The following CNTN5 variants were observed in gnomAD, a reference collection of about 807,000 sequenced individuals.
CNTN5 encodes contactin-5.
Under a neutral mutation model 129.1 loss-of-function variants are expected in CNTN5, and 77 were observed. The ratio of observed to expected loss-of-function variants is 0.60; its 90% CI spans 0.50 to 0.72. CNTN5 has a LOEUF of 0.72. Ranked by LOEUF, CNTN5 falls within the 30% of genes least tolerant of loss-of-function variation. The probability of loss-of-function intolerance (pLI) is 0.00; values close to 1 mark genes in which losing one functional copy is unlikely to be tolerated. For synonymous variants in CNTN5, 509 were observed against 465.6 expected (o/e 1.09, Z -1.20); for missense variants, 1,478 against 1,328.8 (o/e 1.11, Z -1.75).
At chr11:100,285,778 C>G (rs1018798891) in intron 18 of CNTN5, among the ~76,000 whole-genome samples, 14 of 152,318 alleles carry the variant, frequency 9.2e-5, no homozygotes, top group East Asian at 1.9e-4. Flanking sequence ...AGGAACAGCT[C>G]CGGTCTACAG....
At chr11:99,635,434 A>C (rs913251375) in intron 3 of CNTN5, among the ~76,000 whole-genome samples, 3 of 152,154 alleles carry the variant, frequency 2.0e-5, no homozygotes, top group Non-Finnish European at 4.4e-5. Context: ...TGGACAGCGT[A>C]GAGCAGGAGC....
chr11:100,235,727 C>G, intron 16 of CNTN5, among the ~76,000 whole-genome samples: 1 of 152,118 alleles, frequency 6.6e-6, no homozygotes, highest in East Asian at 1.9e-4. Flanking sequence ...CTTCAGAGAC[C>G]AAGGCTCTGC....
chr11:99,413,159 GA>G (rs570891230), intron 2 of CNTN5, among the ~76,000 whole-genome samples: 7 of 152,056 alleles, frequency 4.6e-5, no homozygotes, highest in Middle Eastern at 3.4e-3. Flanking sequence ...AAAGCACCCT[GA>G]AAAAAATACT....
intron 2 of CNTN5, among the ~76,000 whole-genome samples, chr11:99,532,649 A>G (rs1037099216): frequency 6.6e-6 from 1 of 152,134 alleles, no homozygotes; most frequent in Non-Finnish European, 1.5e-5. Context: ...TTCTCATGCT[A>G]GTGAATAAGC....
chr11:99,554,142 A>G lies in CNTN5; in HGVS notation c.-70-2003A>G, dbSNP rs562135591. Among the ~76,000 whole-genome samples, 6 of 152,218 alleles carry G rather than the reference A, an allele frequency of 3.9e-5. No homozygotes were observed. The South Asian group carries it at 8.3e-4, about 21-fold the overall frequency. On this transcript the variant is annotated intron_variant, in intron 2 of 24. Coordinates refer to ENST00000524871, the MANE Select transcript of CNTN5 (RefSeq NM_014361.4). ...TTAAAGATTATTTCATAACACCCCT[A>G]CATGGCATCTTATGAAAAGTGCTTC... is the stretch of plus-strand genomic sequence containing the variant.
chr11:100,272,487 A>AGAAG lies in CNTN5; in HGVS notation c.2314+1265_2314+1268dup, dbSNP rs576230218. 7.1e-4 allele frequency among the ~76,000 whole-genome samples: 108 copies of AGAAG among 151,860 alleles called. No homozygotes were observed. The East Asian group carries it at 0.017, about 24-fold the overall frequency. On this transcript the variant is annotated intron_variant, in intron 18 of 24. Coordinates refer to ENST00000524871, the MANE Select transcript of CNTN5 (RefSeq NM_014361.4). ...CTCTAAAACATATTATGGCCCTCTC[A>AGAAG]GAAGGAAGGAAGGAAGGAAGGAGAA... is the stretch of plus-strand genomic sequence containing the variant.
At chr11:99,113,261 G>A (rs1003824481) in intron 1 of CNTN5, among the ~76,000 whole-genome samples, 2 of 151,876 alleles carry the variant, frequency 1.3e-5, no homozygotes, top group Non-Finnish European at 2.9e-5. Flanking sequence ...ACATCTCCAC[G>A]CACTTATCAC....
At chr11:99,743,255 T>A (rs1943941743) in intron 3 of CNTN5, among the ~76,000 whole-genome samples, 1 of 152,138 alleles carries the variant, frequency 6.6e-6, no homozygotes, top group East Asian at 1.9e-4. Context: ...GTATAAATCA[T>A]CCTCTTCATA....
intron 3 of CNTN5, among the ~76,000 whole-genome samples, chr11:99,579,751 A>C (rs1207930249): frequency 6.7e-6 from 1 of 149,624 alleles, no homozygotes; most frequent in Non-Finnish European, 1.5e-5. Flanking sequence ...GGGGTTTTCT[A>C]GATATACAAT....
intron 3 of CNTN5, among the ~76,000 whole-genome samples, chr11:99,723,121 A>T (rs961017922): frequency 6.6e-6 from 1 of 151,812 alleles, no homozygotes; most frequent in Non-Finnish European, 1.5e-5. Context: ...CTATGCTCAT[A>T]CTTACTCCCT....
intron 1 of CNTN5, among the ~76,000 whole-genome samples, chr11:99,268,887 G>A (rs895299497): frequency 1.3e-5 from 2 of 151,944 alleles, no homozygotes; most frequent in African/African-American, 2.4e-5. Context: ...TAAAGAGAAA[G>A]CCCTGCTGTG....
At chr11:99,450,768 G>GTTTTTTTTTTTTTTTTTTTTTTTTTT (rs34146715) in intron 2 of CNTN5, among the ~76,000 whole-genome samples, 1 of 105,004 alleles carries the variant, frequency 9.5e-6, no homozygotes, top group Non-Finnish European at 1.9e-5. Context: ...ATTGAAGCAA[G>GTTTTTTTTTTTTTTTTTTTTTTTTTT]TTTTTTTTTT....
At chr11:99,563,425 G>C (rs1948904753) in intron 3 of CNTN5, among the ~76,000 whole-genome samples, 1 of 152,192 alleles carries the variant, frequency 6.6e-6, no homozygotes, top group Non-Finnish European at 1.5e-5. Context: ...CTTTCCATTT[G>C]TGGATATGTG....
intron 3 of CNTN5, among the ~76,000 whole-genome samples, chr11:99,706,758 CTACTT>C (rs1201717816): frequency 1.3e-5 from 2 of 150,884 alleles, no homozygotes; most frequent in Middle Eastern, 3.2e-3. Flanking sequence ...CTTCTACACT[CTACTT>C]AACTGACCTT....
chr11:100,125,563 C>T (rs868683839), intron 13 of CNTN5, among the ~76,000 whole-genome samples: 11 of 152,128 alleles, frequency 7.2e-5, no homozygotes, highest in African/African-American at 1.4e-4. Flanking sequence ...TCCAGTTCAC[C>T]GTTGATGGGC....
At chr11:99,947,395 G>C (rs1231058913) in intron 7 of CNTN5, among the ~76,000 whole-genome samples, 1 of 150,754 alleles carries the variant, frequency 6.6e-6, no homozygotes, top group East Asian at 1.9e-4. Context: ...TCTTGATGTA[G>C]AAAATAAACC....
At position 100,293,316 on chromosome 11, in the gene CNTN5, T is replaced by C. The variant is rs114826321; in HGVS notation, c.2315-4309T>C. Among the ~76,000 whole-genome samples the C allele has an allele frequency of 5.4e-3, 828 of 151,944 alleles. 11 individuals carry two copies. Among genetic ancestry groups the C allele is most frequent in the African/African-American group, 0.019 (776 of 41,514 alleles). ...GAAAATTCTTACATTTCCTGAAATA[T>C]CCTAGCAATCTCTTTCAGAAATTCA... is the stretch of plus-strand genomic sequence containing the variant. On this transcript the variant is annotated intron_variant, in intron 18 of 24. Coordinates refer to ENST00000524871, the MANE Select transcript of CNTN5 (RefSeq NM_014361.4).
At chr11:99,987,321 C>A (rs1299998968) in intron 8 of CNTN5, among the ~76,000 whole-genome samples, 1 of 151,326 alleles carries the variant, frequency 6.6e-6, no homozygotes, top group East Asian at 1.9e-4. Flanking sequence ...GGTAGAAATG[C>A]CATTAGATTG....
At chr11:99,627,462 G>GA (rs5794007) in intron 3 of CNTN5, among the ~76,000 whole-genome samples, 92,868 of 151,748 alleles carry the variant, frequency 0.61, 29,298 homozygotes, top group Admixed American at 0.74. Flanking sequence ...TTTAATGTGA[G>GA]AAAAAACTAC....
Sources: allele counts gnomAD v4.1 joint callset (sites outside exome capture counted in the v4.1 genomes callset), GRCh38; gene constraint gnomAD v4.1.1; transcripts MANE v1.5; gene names NCBI Gene and HGNC (gene_info 2026-07-23, HGNC 2026-07-21).